AFAP1: variants seen among roughly 807,000 people sequenced by gnomAD.
AFAP1 encodes the protein actin filament-associated protein 1.
Under a neutral mutation model 93.9 loss-of-function variants are expected in AFAP1, and 75 were observed. The ratio of observed to expected loss-of-function variants is 0.80; its 90% CI spans 0.66 to 0.97. The LOEUF is 0.97. AFAP1 is among the 50% of genes least tolerant of loss of function. The pLI, the probability that AFAP1 is intolerant of heterozygous loss-of-function variation, is 0.00. For synonymous variants in AFAP1, 517 were observed against 430.7 expected, an observed-to-expected ratio of 1.20 and a Z score of -2.48; for missense variants, 1,201 against 1,050.8, an observed-to-expected ratio of 1.14 and a Z score of -1.98.
intron 10 of AFAP1, 109 bp downstream of exon 10, chr4:7,800,333 T>C: frequency 2.6e-6 from 3 of 1,142,818 alleles, no homozygotes; most frequent in Non-Finnish European, 2.6e-6. Context: ...AAAGAGGTAC[T>C]GTCAGCGAGA....
intron 9 of AFAP1, 66 bp downstream of exon 9, chr4:7,809,548 C>T: frequency 1.3e-6 from 2 of 1,546,164 alleles, no homozygotes; most frequent in Non-Finnish European, 1.7e-6. Flanking sequence ...GGTACCGACA[C>T]CACTGCAGGA....
At chr4:7,871,879 G>A (rs1717080788) in intron 2 of AFAP1, 73 bp downstream of exon 2, 5 of 1,518,322 alleles carry the variant, frequency 3.3e-6, no homozygotes, top group Non-Finnish European at 3.6e-6. Context: ...TTTTAGAAAG[G>A]TGGTAAAATT....
At chr4:7,928,827 G>T (rs1314067433) in intron 1 of AFAP1, among the ~76,000 whole-genome samples, 1 of 152,206 alleles carries the variant, frequency 6.6e-6, no homozygotes, top group Admixed American at 6.5e-5. Context: ...AATGGCCGCG[G>T]TGTTCCCCAT....
chr4:7,938,451 A>G lies in AFAP1; in HGVS notation c.-3+1205T>C, dbSNP rs528189313. Among the ~76,000 whole-genome samples the G allele has an allele frequency of 3.9e-5, 6 of 152,310 alleles. No individual in the cohort carries two copies. In the South Asian group the frequency reaches 6.2e-4, roughly 16 times the overall value. On this transcript the variant is annotated intron_variant, in intron 1 of 17. Transcript: ENST00000420658. The stretch of plus-strand genomic sequence containing the variant: ...GGTTTTTCAAAAGTTTGATGAAAGC[A>G]TTCACTAAGGAGTGATTCCACTTTC...
chr4:7,835,809 C>A (rs1187842148), intron 6 of AFAP1, among the ~76,000 whole-genome samples: 1 of 146,232 alleles, frequency 6.8e-6, no homozygotes, highest in Non-Finnish European at 1.5e-5. Flanking sequence ...CTCAAGGTTA[C>A]CTGGGTGGCT....
intron 3 of AFAP1, among the ~76,000 whole-genome samples, chr4:7,863,411 T>A (rs1360948544): frequency 6.6e-6 from 1 of 151,904 alleles, no homozygotes; most frequent in Non-Finnish European, 1.5e-5. Flanking sequence ...AAAGCGAGAC[T>A]GCCAAGAAAG....
chr4:7,834,838 CAA>C (rs1478443312), intron 6 of AFAP1, among the ~76,000 whole-genome samples: 2 of 152,246 alleles, frequency 1.3e-5, no homozygotes, highest in African/African-American at 4.8e-5. Flanking sequence ...TGAACTGAAA[CAA>C]ATATAAACCT....
chr4:7,934,346 T>G (rs999349808), intron 1 of AFAP1, among the ~76,000 whole-genome samples: 1 of 152,206 alleles, frequency 6.6e-6, no homozygotes. Flanking sequence ...TTTTTCCCAC[T>G]GGACCACGAA....
chr4:7,869,838 A>C (rs1056768306), intron 2 of AFAP1, among the ~76,000 whole-genome samples: 6 of 78,126 alleles, frequency 7.7e-5, no homozygotes, highest in African/African-American at 2.6e-4. Context: ...AGAAAGGAAA[A>C]GGATAAATGA....
At chr4:7,806,441 C>G (rs576774565) in intron 9 of AFAP1, among the ~76,000 whole-genome samples, 46 of 152,220 alleles carry the variant, frequency 3.0e-4, no homozygotes, top group African/African-American at 1.1e-3. Context: ...TGTGGAAGGG[C>G]TGGCATTTGA....
At chr4:7,812,651 C>T (rs1316070397) in intron 8 of AFAP1, among the ~76,000 whole-genome samples, 1 of 152,168 alleles carries the variant, frequency 6.6e-6, no homozygotes, top group Non-Finnish European at 1.5e-5. Flanking sequence ...AGTATCCAGG[C>T]ACACGCTGGC....
intron 1 of AFAP1, among the ~76,000 whole-genome samples, chr4:7,899,163 A>C (rs1239220753): frequency 6.6e-6 from 1 of 152,124 alleles, no homozygotes; most frequent in Non-Finnish European, 1.5e-5. Flanking sequence ...ATTGGTATGG[A>C]ACATGCTGCT....
intron 1 of AFAP1, among the ~76,000 whole-genome samples, chr4:7,927,152 G>A (rs1213619671): frequency 2.0e-5 from 3 of 152,194 alleles, no homozygotes; most frequent in African/African-American, 7.2e-5. Flanking sequence ...CAGGGTTTGG[G>A]ACAATTCCAA....
intron 10 of AFAP1, chr4:7,799,092 A>G: frequency 1.0e-6 from 1 of 985,864 alleles, no homozygotes; most frequent in Non-Finnish European, 1.2e-6. Flanking sequence ...CTAGCTCAGC[A>G]TTCGTGTTTT....
At chr4:7,919,371 T>C (rs1052589558) in intron 1 of AFAP1, among the ~76,000 whole-genome samples, 2 of 152,240 alleles carry the variant, frequency 1.3e-5, no homozygotes, top group Non-Finnish European at 2.9e-5. Flanking sequence ...ATGTAAAATG[T>C]CTGTGTTTTT....
chr4:7,759,072 ATTC>A lies in AFAP1; in HGVS notation c.*4690_*4692del, dbSNP rs1283685074. The A allele has an allele frequency of 1.6e-4, 24 of 152,816 alleles. No homozygotes were observed. The highest frequency in any genetic ancestry group is 5.5e-4 in the African/African-American group (23 of 41,596). 9.5% of individuals were successfully genotyped at this position (152,816 alleles called of 1,614,324 possible). ...AAAAATACAATAAGGAAATAATTAC[ATTC>A]TTAATATGAAAACATTTTACAACGT... On this transcript the variant is annotated 3_prime_UTR_variant, in exon 18 of 18. Coordinates refer to ENST00000420658, the MANE Select transcript of AFAP1 (RefSeq NM_001134647.2).
chr4:7,913,612 T>C (rs1719898427), intron 1 of AFAP1, among the ~76,000 whole-genome samples: 1 of 152,128 alleles, frequency 6.6e-6, no homozygotes, highest in Non-Finnish European at 1.5e-5. Context: ...CAACTAAAAA[T>C]GTGTAAGAGG....
chr4:7,893,454 G>A (rs1335968326), intron 1 of AFAP1, among the ~76,000 whole-genome samples: 6 of 151,774 alleles, frequency 4.0e-5, no homozygotes, highest in Admixed American at 1.3e-4. Context: ...GGTGGCGGGC[G>A]CCTGTAGTCC....
At chr4:7,777,010 T>C (rs1716198417) in intron 14 of AFAP1, 1 of 152,106 alleles carries the variant, frequency 6.6e-6, no homozygotes, top group Non-Finnish European at 1.5e-5. Context: ...CCACAGTTAA[T>C]AAAAACTCCC....
Sources: allele counts gnomAD v4.1 joint callset (sites outside exome capture counted in the v4.1 genomes callset), GRCh38; gene constraint gnomAD v4.1.1; transcripts MANE v1.5; gene names NCBI Gene and HGNC (gene_info 2026-07-23, HGNC 2026-07-21).